Variants in EVC2 observed in about 807,000 individuals in gnomAD.
The protein encoded by EVC2 is EvC ciliary complex subunit 2.
A neutral mutation model predicts 149.3 loss-of-function variants in EVC2; 148 were observed. That is an observed-to-expected ratio of 0.99 (90% CI 0.87 to 1.14). The LOEUF (loss-of-function observed/expected upper bound fraction) is 1.14, where lower values mean the gene tolerates loss of function less well. Ranked by LOEUF, EVC2 falls within the 50% of genes most tolerant of loss-of-function variation. The pLI is 0.00. For synonymous variants in EVC2, 776 were observed against 649.9 expected (o/e 1.19, Z -2.95); for missense variants, 1,854 against 1,627.3 (o/e 1.14, Z -2.40).
At chr4:5,601,655 T>C (rs1713991518) in intron 16 of EVC2, among the ~76,000 whole-genome samples, 1 of 152,122 alleles carries the variant, frequency 6.6e-6, no homozygotes, top group Admixed American at 6.5e-5. Flanking sequence ...GGTCAAACTA[T>C]CAGTTGAGTA....
chr4:5,531,067 C>A, the EVC2 span, among the ~76,000 whole-genome samples: 1 of 152,136 alleles, frequency 6.6e-6, no homozygotes, highest in African/African-American at 2.4e-5. Context: ...ACTGTTATTA[C>A]CCTCCCAACT....
chr4:5,576,609 C>T lies in EVC2; in HGVS notation c.3058-155G>A, dbSNP rs1722951820. On this transcript the variant is annotated intron_variant, in intron 17 of 21. Coordinates refer to ENST00000344408, the MANE Select transcript of EVC2 (RefSeq NM_147127.5). This position sits in a 1 kb window ranked among gnomAD's most constrained non-coding sequence, Gnocchi z 4.5. ...TGTGCCACATGGTGCAATGTGAGTGCACCACGATCTCTCACCCCTGTGTCA... is the reference window on the plus strand; with the variant it reads ...TGTGCCACATGGTGCAATGTGAGTGTACCACGATCTCTCACCCCTGTGTCA... Among the ~76,000 whole-genome samples, 1 of 152,192 alleles carries T rather than the reference C, an allele frequency of 6.6e-6. No homozygotes were observed. Among genetic ancestry groups the T allele is most frequent in the Admixed American group, 6.5e-5 (1 of 15,288 alleles).
intron 16 of EVC2, among the ~76,000 whole-genome samples, chr4:5,586,510 G>A (rs1484768542): frequency 6.6e-6 from 1 of 152,134 alleles, no homozygotes; most frequent in East Asian, 1.9e-4. Flanking sequence ...AGCTGAACAT[G>A]CCTCCTTATA....
At chr4:5,556,597 A>T (rs1010399299) in intron 21 of EVC2, among the ~76,000 whole-genome samples, 1 of 152,160 alleles carries the variant, frequency 6.6e-6, no homozygotes, top group African/African-American at 2.4e-5. Context: ...AAATAGAGCA[A>T]AAGTCAGCAA....
At chr4:5,648,793 G>C (rs1225333136) in intron 9 of EVC2, among the ~76,000 whole-genome samples, 1 of 152,138 alleles carries the variant, frequency 6.6e-6, no homozygotes, top group Admixed American at 6.5e-5. Flanking sequence ...TCTGTCAGAA[G>C]AGATGATGAT....
At chr4:5,554,657 G>A (rs1462406558) in intron 21 of EVC2, among the ~76,000 whole-genome samples, 1 of 152,198 alleles carries the variant, frequency 6.6e-6, no homozygotes, top group Non-Finnish European at 1.5e-5. Context: ...TCACTTGAGG[G>A]AAGTGAGGAG....
chr4:5,628,704 G>A lies in EVC2; in HGVS notation c.1741C>T (p.Gln581Ter), dbSNP rs1348299542. 1.2e-6 allele frequency: 2 copies of A among 1,612,492 alleles called. No individual in the cohort carries two copies. The highest frequency in any genetic ancestry group is 1.3e-5 in the African/African-American group (1 of 74,238). The change falls in exon 12 of 22, where the codon CAG (glutamine) becomes TAG (stop). Residue 581 changes from glutamine to a stop codon, truncating the protein, a stop_gained. Transcript: ENST00000344408. LOFTEE classifies it high-confidence loss of function. ...ENVEELMDFF[Q>*]ASKRYHLSKR... is the part of the protein sequence containing the mutation. The stretch of plus-strand genomic sequence containing the variant: ...CTTAGATGATACCTCTTACTAGCCT[G>A]GAAAAAGTCCATTAACTCTTCTACA...
chr4:5,672,854 G>C (rs1432210730), intron 7 of EVC2, among the ~76,000 whole-genome samples: 1 of 152,170 alleles, frequency 6.6e-6, no homozygotes, highest in Non-Finnish European at 1.5e-5. Context: ...CAACATGGAG[G>C]AACACTGAAA....
At chr4:5,639,980 C>G (rs372788042) in intron 10 of EVC2, among the ~76,000 whole-genome samples, 2 of 152,146 alleles carry the variant, frequency 1.3e-5, no homozygotes, top group Non-Finnish European at 2.9e-5. Context: ...AAGTAATCAA[C>G]ACATTTTTGC....
rs1342407906 is a variant in EVC2, at chr4:5,679,267, A to C, written c.870+1993T>G. Among the ~76,000 whole-genome samples the C allele has an allele frequency of 1.3e-5, 2 of 151,746 alleles. No individual in the cohort carries two copies. The highest frequency in any genetic ancestry group is 2.9e-5 in the Non-Finnish European group (2 of 67,944). ...TTTATTTATGTTGAGACAGAGTCTC[A>C]CTCTGTTAACCAGGCTGGAGTGCAG... is the stretch of plus-strand genomic sequence containing the variant. On this transcript the variant is annotated intron_variant, in intron 7 of 21. Coordinates refer to ENST00000344408, the MANE Select transcript of EVC2 (RefSeq NM_147127.5). The surrounding 1 kb of genome is among the most constrained non-coding windows in gnomAD (Gnocchi z 5.1).
chr4:5,612,495 G>C (rs55939764), intron 16 of EVC2, among the ~76,000 whole-genome samples: 3,635 of 152,288 alleles, frequency 0.024, 133 homozygotes, highest in African/African-American at 0.082. Flanking sequence ...GCTTTAGGAA[G>C]AGGTTGCTCC....
intron 9 of EVC2, among the ~76,000 whole-genome samples, chr4:5,661,186 A>G (rs2108892639): frequency 6.6e-6 from 1 of 152,332 alleles, no homozygotes; most frequent in Non-Finnish European, 1.5e-5. Flanking sequence ...ATCCAATTTG[A>G]AGGGTTCACA....
chr4:5,704,543 G>A (rs770272375), intron 1 of EVC2, among the ~76,000 whole-genome samples: 7 of 152,080 alleles, frequency 4.6e-5, no homozygotes, highest in Non-Finnish European at 1.0e-4. Context: ...ATGGAAATTC[G>A]GGAGCTGCCA....
chr4:5,609,864 A>T (rs1267568341), intron 16 of EVC2, among the ~76,000 whole-genome samples: 2 of 152,228 alleles, frequency 1.3e-5, no homozygotes, highest in Non-Finnish European at 2.9e-5. Context: ...GGCTACATAA[A>T]GGAACCTGGG....
chr4:5,650,671 A>AGAGAGAGG (rs35334619), intron 9 of EVC2, among the ~76,000 whole-genome samples: 13 of 102,444 alleles, frequency 1.3e-4, no homozygotes, highest in African/African-American at 5.0e-4. Context: ...AGAGAGAGAG[A>AGAGAGAGG]GCCATTTAAT....
intron 21 of EVC2, among the ~76,000 whole-genome samples, chr4:5,544,959 C>T (rs912649963): frequency 1.3e-5 from 2 of 152,240 alleles, no homozygotes; most frequent in Non-Finnish European, 2.9e-5. Flanking sequence ...ACTGGCACTG[C>T]ACCTCAAGCC....
Position 5,633,812 on chromosome 4 carries a change from T to G in EVC2, c.1471-1780A>C, listed in dbSNP as rs914478652. On this transcript the variant is annotated intron_variant, in intron 10 of 21. Transcript: ENST00000344408. The surrounding 1 kb of genome is among the most constrained non-coding windows in gnomAD (Gnocchi z 4.4). ...ACCCACCAGAATTCTCTGGTTTCAGTAAATAGCATCACTTGCTCCCCAATT... is the reference window on the plus strand; with the variant it reads ...ACCCACCAGAATTCTCTGGTTTCAGGAAATAGCATCACTTGCTCCCCAATT... Among the ~76,000 whole-genome samples the G allele has an allele frequency of 7.2e-5, 11 of 152,224 alleles. No individual in the cohort carries two copies. The highest frequency in any genetic ancestry group is 1.6e-4 in the Non-Finnish European group (11 of 68,040).
intron 20 of EVC2, among the ~76,000 whole-genome samples, chr4:5,565,899 G>C (rs539115996): frequency 6.6e-6 from 1 of 152,138 alleles, no homozygotes; most frequent in Non-Finnish European, 1.5e-5. Context: ...GAAGGCTGAC[G>C]GGTTGGGGGA....
chr4:5,695,327 G>C (rs1164000127), intron 2 of EVC2, among the ~76,000 whole-genome samples: 1 of 147,254 alleles, frequency 6.8e-6, no homozygotes, highest in African/African-American at 2.5e-5. Flanking sequence ...CAGTCTGGGC[G>C]ACAGAGCAAG....
Sources: gnomAD v4.1 joint callset for allele counts (sites outside exome capture counted in the v4.1 genomes callset) on GRCh38, gnomAD v4.1.1 for gene constraint, Gnocchi (gnomAD v3.1) non-coding constraint, MANE v1.5 for transcripts, NCBI Gene and HGNC (gene_info 2026-07-23, HGNC 2026-07-21) for gene names.